PTPRO: variants seen among roughly 807,000 people sequenced by gnomAD.
PTPRO encodes receptor-type tyrosine-protein phosphatase O.
A neutral mutation model predicts 145.2 loss-of-function variants in PTPRO; 62 were observed. The ratio of observed to expected loss-of-function variants is 0.43; its 90% CI spans 0.35 to 0.53. The LOEUF (loss-of-function observed/expected upper bound fraction) is 0.53. Ranked by LOEUF, PTPRO falls within the 20% of genes least tolerant of loss-of-function variation. The pLI, the probability that PTPRO is intolerant of heterozygous loss-of-function variation, is 0.01. For synonymous variants in PTPRO, 565 were observed against 514.7 expected (o/e 1.10, Z -1.32); for missense variants, 1,345 against 1,482.7 (o/e 0.91, Z 1.53).
At chr12:15,548,114 G>T (rs1027315533) in intron 13 of PTPRO, among the ~76,000 whole-genome samples, 1 of 152,094 alleles carries the variant, frequency 6.6e-6, no homozygotes, top group East Asian at 1.9e-4. Flanking sequence ...GTCAAAAAAG[G>T]TAAAGGTCAA....
intron 1 of PTPRO, among the ~76,000 whole-genome samples, chr12:15,450,276 T>C (rs912153203): frequency 9.9e-5 from 15 of 152,182 alleles, no homozygotes; most frequent in African/African-American, 3.6e-4. Flanking sequence ...TACCAGTTTT[T>C]CCTCTCCTGA....
intron 1 of PTPRO, among the ~76,000 whole-genome samples, chr12:15,370,592 T>C (rs1327931668): frequency 6.6e-6 from 1 of 152,168 alleles, no homozygotes; most frequent in East Asian, 1.9e-4. Flanking sequence ...AAGGGGACGA[T>C]GGTAATATAT....
chr12:15,467,113 G>T (rs1305731571), intron 1 of PTPRO, among the ~76,000 whole-genome samples: 1 of 152,118 alleles, frequency 6.6e-6, no homozygotes, highest in Admixed American at 6.5e-5. Flanking sequence ...TGCCTAAAAA[G>T]TACTTAACAC....
At position 15,407,753 on chromosome 12, in the gene PTPRO, A is replaced by G. The variant is rs556997586; in HGVS notation, c.76-76221A>G. The stretch of plus-strand genomic sequence containing the variant: ...TAAAATTTTTAAAAAGAAGGGGAAA[A>G]TGAAAACTAGAAAGGAAAAGCATAC... On this transcript the variant is annotated intron_variant, in intron 1 of 26. Transcript: ENST00000281171. Among the ~76,000 whole-genome samples, 13 of 152,360 alleles carry G rather than the reference A, an allele frequency of 8.5e-5. No homozygotes were observed. In the South Asian group the frequency reaches 2.5e-3, roughly 29 times the overall value.
chr12:15,420,405 T>G (rs954682657), intron 1 of PTPRO, among the ~76,000 whole-genome samples: 1 of 151,568 alleles, frequency 6.6e-6, no homozygotes, highest in African/African-American at 2.4e-5. Context: ...GCATCTCACC[T>G]GCGTGCATTT....
At chr12:15,592,292 A>G (rs1944570179) in intron 25 of PTPRO, among the ~76,000 whole-genome samples, 1 of 152,226 alleles carries the variant, frequency 6.6e-6, no homozygotes, top group Admixed American at 6.5e-5. Flanking sequence ...TTCTTTTCAC[A>G]TGTATCATCC....
intron 1 of PTPRO, among the ~76,000 whole-genome samples, chr12:15,442,736 A>T (rs1478660656): frequency 6.6e-6 from 1 of 152,144 alleles, no homozygotes; most frequent in Non-Finnish European, 1.5e-5. Context: ...ATGCAATCCG[A>T]TTTACAATAG....
At chr12:15,590,616 C>T (rs1944531182) in intron 25 of PTPRO, among the ~76,000 whole-genome samples, 1 of 152,142 alleles carries the variant, frequency 6.6e-6, no homozygotes, top group South Asian at 2.1e-4. Flanking sequence ...TTCTTTCCTC[C>T]TACCTCCCCA....
chr12:15,497,140 T>G (rs1942123145), intron 2 of PTPRO, 105 bp from the exon 3 acceptor site: 2 of 1,040,276 alleles, frequency 1.9e-6, no homozygotes, highest in Non-Finnish European at 1.5e-6. Flanking sequence ...GTGAAAATTA[T>G]GCGTGAATTT....
chr12:15,518,924 G>C (rs1223957510), intron 9 of PTPRO, among the ~76,000 whole-genome samples: 8 of 152,216 alleles, frequency 5.3e-5, no homozygotes, highest in African/African-American at 1.9e-4. Context: ...CCTCCAAACT[G>C]TTCCAGCCTC....
At chr12:15,553,460 A>G (rs1943527240) in intron 15 of PTPRO, among the ~76,000 whole-genome samples, 1 of 152,106 alleles carries the variant, frequency 6.6e-6, no homozygotes, top group Non-Finnish European at 1.5e-5. Flanking sequence ...TATCTGTGGG[A>G]AGAGTGTGCC....
intron 1 of PTPRO, among the ~76,000 whole-genome samples, chr12:15,373,596 G>A (rs956774581): frequency 6.6e-6 from 1 of 152,106 alleles, no homozygotes; most frequent in African/African-American, 2.4e-5. Flanking sequence ...ACTGGCAAAA[G>A]CTGAGGAAAC....
chr12:15,503,739 T>C (rs1942265902), intron 5 of PTPRO, among the ~76,000 whole-genome samples, 169 bp from the exon 6 acceptor site: 2 of 152,190 alleles, frequency 1.3e-5, no homozygotes, highest in Admixed American at 1.3e-4. Flanking sequence ...AATACTGAAC[T>C]CTTATTTATT....
chr12:15,478,093 C>T (rs1387908278), intron 1 of PTPRO, among the ~76,000 whole-genome samples: 1 of 152,166 alleles, frequency 6.6e-6, no homozygotes, highest in Admixed American at 6.5e-5. Context: ...ATTGATTCGA[C>T]ACCCCCTTGG....
chr12:15,538,008 A>G (rs1180323411), intron 12 of PTPRO, among the ~76,000 whole-genome samples: 1 of 152,102 alleles, frequency 6.6e-6, no homozygotes, highest in Non-Finnish European at 1.5e-5. Context: ...GCAGGGGGCA[A>G]TACCTGCCAT....
intron 2 of PTPRO, among the ~76,000 whole-genome samples, chr12:15,489,708 T>A (rs1354935202): frequency 1.3e-5 from 2 of 152,166 alleles, no homozygotes; most frequent in Admixed American, 1.3e-4. Flanking sequence ...TCCACCCCAG[T>A]AGGTCTCAGC....
chr12:15,367,529 T>G (rs1289409851), intron 1 of PTPRO, among the ~76,000 whole-genome samples: 2 of 152,208 alleles, frequency 1.3e-5, no homozygotes, highest in Non-Finnish European at 2.9e-5. Context: ...ACTCCTAAAT[T>G]AATATCTTCA....
At chr12:15,505,634 A>T (rs1465119995) in intron 6 of PTPRO, among the ~76,000 whole-genome samples, 2 of 152,178 alleles carry the variant, frequency 1.3e-5, no homozygotes, top group Admixed American at 1.3e-4. Flanking sequence ...CAGATGTACC[A>T]TGTATACTTC....
chr12:15,501,628 C>A lies in PTPRO; in HGVS notation c.670C>A (p.Pro224Thr). 6.2e-7 allele frequency: 1 copy of A among 1,613,016 alleles called. No individual in the cohort carries two copies. The highest frequency in any genetic ancestry group is 1.1e-5 in the South Asian group (1 of 91,046). Residue 224 changes from proline (P) to threonine (T), a missense_variant, in exon 5 of 27, where the codon CCA (proline) becomes ACA (threonine). This residue lies in a region of PTPRO where 1,130 missense variants were observed against 1,214.7 expected (regional missense o/e 0.93). Transcript: ENST00000281171. Reference protein sequence around the residue: ...EPKQHRTAPYPPQNISVRIVN... With the variant: ...EPKQHRTAPYTPQNISVRIVN... The stretch of plus-strand genomic sequence containing the variant: ...AATTCTCTCTCTTACAGCCCCTTAT[C>A]CACCTCAAAATATTTCCGTTCGTAT...
Sources: gnomAD v4.1 joint callset for allele counts (sites outside exome capture counted in the v4.1 genomes callset) on GRCh38, gnomAD v4.1.1 for gene constraint, gnomAD v4.1.1 regional missense constraint, MANE v1.5 for transcripts, NCBI Gene and HGNC (gene_info 2026-07-23, HGNC 2026-07-21) for gene names.